MINK1: variants seen among roughly 807,000 people sequenced by gnomAD.
MINK1 encodes the protein misshapen-like kinase 1.
Under a neutral mutation model 178.4 loss-of-function variants are expected in MINK1, and 46 were observed. That is an observed-to-expected ratio of 0.26 (90% confidence interval 0.20 to 0.33). The LOEUF (loss-of-function observed/expected upper bound fraction) is 0.33, where lower values mean the gene tolerates loss of function less well. Among genes scored for constraint, MINK1 ranks in the 10% least tolerant of loss-of-function variants. The pLI, the probability that MINK1 is intolerant of heterozygous loss-of-function variation, is 1.00. For missense variants in MINK1, 1,366 were observed against 1,814.9 expected (o/e 0.75, Z 4.49); for synonymous variants, 797 against 709.7 (o/e 1.12, Z -1.96).
intron 1 of MINK1, among the ~76,000 whole-genome samples, chr17:4,842,478 G>A (rs1278512021): frequency 6.6e-6 from 1 of 152,120 alleles, no homozygotes; most frequent in African/African-American, 2.4e-5. Flanking sequence ...GAGGAATGTG[G>A]GCTCTAAATT....
At chr17:4,871,740 A>T (rs967983883) in intron 1 of MINK1, among the ~76,000 whole-genome samples, 1 of 152,196 alleles carries the variant, frequency 6.6e-6, no homozygotes, top group African/African-American at 2.4e-5. Context: ...ACATTTGAGG[A>T]ACTGCCAAAC....
intron 1 of MINK1, among the ~76,000 whole-genome samples, chr17:4,866,901 A>C (rs1915066874): frequency 6.6e-6 from 1 of 151,550 alleles, no homozygotes; most frequent in Non-Finnish European, 1.5e-5. Context: ...GTGAAACCCC[A>C]TCTCTACTAA....
At chr17:4,857,964 C>T (rs190648932) in intron 1 of MINK1, among the ~76,000 whole-genome samples, 2 of 152,228 alleles carry the variant, frequency 1.3e-5, no homozygotes, top group East Asian at 1.9e-4. Context: ...GTTGGGGAGA[C>T]CCCATCTGTC....
intron 1 of MINK1, among the ~76,000 whole-genome samples, chr17:4,841,568 C>T (rs1026641684): frequency 1.3e-5 from 2 of 150,092 alleles, no homozygotes; most frequent in African/African-American, 4.9e-5. Flanking sequence ...CATCCACTTT[C>T]TCACAGACCT....
At chr17:4,858,398 G>C (rs1406581004) in intron 1 of MINK1, among the ~76,000 whole-genome samples, 2 of 152,220 alleles carry the variant, frequency 1.3e-5, no homozygotes, top group East Asian at 3.9e-4. Context: ...TCCAAGGCAA[G>C]GGAGTTATTT....
intron 1 of MINK1, among the ~76,000 whole-genome samples, chr17:4,835,006 G>A (rs1909088777): frequency 6.6e-6 from 1 of 152,088 alleles, no homozygotes; most frequent in East Asian, 1.9e-4. Context: ...GTGCAATGTT[G>A]GGCTATGAGA....
At chr17:4,877,833 C>A (rs1361586705) in intron 1 of MINK1, among the ~76,000 whole-genome samples, 1 of 132,788 alleles carries the variant, frequency 7.5e-6, no homozygotes, top group Non-Finnish European at 1.6e-5. Context: ...TTTTTTGAGA[C>A]GGAGTCTCAC....
Position 4,891,084 on chromosome 17 carries a change from C to A in MINK1, c.1700C>A (p.Pro567His). The A allele has an allele frequency of 6.4e-7, 1 of 1,552,214 alleles. No homozygotes were observed. The highest frequency in any genetic ancestry group is 1.2e-5 in the South Asian group (1 of 84,096). ...GPPGPLSQTP[P>H]MQRPVEPQEG... The stretch of plus-strand genomic sequence containing the variant: ...CCAGGACCCCTTTCCCAGACTCCTC[C>A]TATGCAGAGGCCGGTGGAGCCCCAG... The change falls in exon 15 of 32, where the codon CCT (proline) becomes CAT (histidine). Residue 567 changes from proline (P) to histidine (H), a missense_variant. Physicochemically the swap from Pro to His is moderately conservative, Grantham distance 77. Around this residue, in one of 14 missense-constraint regions of MINK1, gnomAD observed 709 missense variants for 692.3 expected, o/e 1.02. Transcript: ENST00000355280.
intron 1 of MINK1, chr17:4,871,020 T>C (rs1380773167): frequency 6.5e-6 from 2 of 308,848 alleles, no homozygotes; most frequent in South Asian, 2.3e-5. Context: ...CTACTTCTCA[T>C]CTCTTTAGAC....
intron 1 of MINK1, among the ~76,000 whole-genome samples, chr17:4,843,438 A>G (rs1398459144): frequency 6.6e-6 from 1 of 151,602 alleles, no homozygotes; most frequent in East Asian, 1.9e-4. Context: ...AGATTGCGTC[A>G]CTGCACTCCA....
At chr17:4,867,887 A>G (rs1051208431) in intron 1 of MINK1, among the ~76,000 whole-genome samples, 2 of 152,150 alleles carry the variant, frequency 1.3e-5, no homozygotes, top group Admixed American at 1.3e-4. Context: ...ATACATGCAT[A>G]CTATGTATAA....
chr17:4,867,109 T>C (rs1915118912), intron 1 of MINK1, among the ~76,000 whole-genome samples: 1 of 36,282 alleles, frequency 2.8e-5, no homozygotes, highest in Non-Finnish European at 7.1e-5. Flanking sequence ...AATAATAAAC[T>C]GCACACTATA....
intron 4 of MINK1, among the ~76,000 whole-genome samples, chr17:4,882,519 C>T (rs537120888): frequency 6.6e-6 from 1 of 152,330 alleles, no homozygotes; most frequent in South Asian, 2.1e-4. Context: ...CCTATGCAAT[C>T]TTTATGTCTC....
At position 4,891,200 on chromosome 17, in the gene MINK1, G is replaced by GCGCGCACACA. The variant is rs781594150; in HGVS notation, c.1740+77_1740+78insGCGCACACAC. The GCGCGCACACA allele has an allele frequency of 8.2e-4, 824 of 1,004,118 alleles. 1 individual carries two copies. In the East Asian group the frequency reaches 0.013, roughly 16 times the overall value. 62.2% of individuals were successfully genotyped at this position (1,004,118 alleles called of 1,614,324 possible). On this transcript the variant is annotated intron_variant, in intron 15 of 31. Transcript: ENST00000355280. ...AGAGCACAGGTACACACACACGCGC[G>GCGCGCACACA]CACACACACACACACACACACACAC...
chr17:4,854,010 G>A (rs932733021), intron 1 of MINK1, among the ~76,000 whole-genome samples: 1 of 152,148 alleles, frequency 6.6e-6, no homozygotes, highest in Non-Finnish European at 1.5e-5. Context: ...GAAGGTTCTG[G>A]AGGCAGACGG....
At chr17:4,882,559 G>GC (rs1353778197) in intron 4 of MINK1, among the ~76,000 whole-genome samples, 1 of 152,152 alleles carries the variant, frequency 6.6e-6, no homozygotes, top group South Asian at 2.1e-4. Flanking sequence ...CTATTTCTTA[G>GC]CCCCCTTTCT....
At chr17:4,890,319 C>A in intron 13 of MINK1, 198 bp from the exon 14 acceptor site, 1 of 1,419,082 alleles carries the variant, frequency 7.0e-7, no homozygotes, top group Non-Finnish European at 9.2e-7. Flanking sequence ...GTAACGGGTC[C>A]CTCAGCGTCC....
At chr17:4,853,651 G>C (rs948409087) in intron 1 of MINK1, among the ~76,000 whole-genome samples, 1 of 152,088 alleles carries the variant, frequency 6.6e-6, no homozygotes, top group African/African-American at 2.4e-5. Flanking sequence ...AGTCATGACT[G>C]TGAAAGCACC....
chr17:4,873,617 C>CTTTTTTTTTTTTTTTTT (rs71367860), intron 1 of MINK1, among the ~76,000 whole-genome samples: 2 of 108,086 alleles, frequency 1.9e-5, no homozygotes, highest in Non-Finnish European at 1.9e-5. Context: ...TTTTTCTTTT[C>CTTTTTTTTTTTTTTTTT]TTTTTTTTTT....
Sources: allele counts gnomAD v4.1 joint callset (sites outside exome capture counted in the v4.1 genomes callset), GRCh38; gene constraint gnomAD v4.1.1; regional missense constraint gnomAD v4.1.1; transcripts MANE v1.5; gene names NCBI Gene and HGNC (gene_info 2026-07-23, HGNC 2026-07-21).